MUC6: variants seen among roughly 807,000 people sequenced by gnomAD.
The protein encoded by MUC6 is mucin 6, oligomeric mucus/gel-forming (gene/pseudogene), also known as mucin-6.
Under a neutral mutation model 201.5 loss-of-function variants are expected in MUC6, and 188 were observed. The observed-to-expected ratio is 0.93, with a 90% CI of 0.83 to 1.05. MUC6 has a LOEUF of 1.05. Ranked by LOEUF, MUC6 falls within the 50% of genes least tolerant of loss-of-function variation. MUC6 has a pLI of 0.00. For synonymous variants in MUC6, 1,228 were observed against 1,389.4 expected, an observed-to-expected ratio of 0.88 and a Z score of 2.58; for missense variants, 2,706 against 3,256.9, an observed-to-expected ratio of 0.83 and a Z score of 4.12.
intron 3 of MUC6, 34 bp from the exon 4 acceptor site, chr11:1,031,767 A>G (rs1857110506): frequency 1.3e-6 from 2 of 1,551,544 alleles, no homozygotes; most frequent in East Asian, 4.9e-5. Context: ...GTCGATCCTC[A>G]GTCCTCCGGC....
At position 1,027,326 on chromosome 11, in the gene MUC6, G is replaced by T. The variant is rs1477937684; in HGVS notation, c.2173C>A (p.Leu725Met). The T allele has an allele frequency of 6.2e-7, 1 of 1,612,864 alleles. No individual in the cohort carries two copies. Among genetic ancestry groups the T allele is most frequent in the Non-Finnish European group, 8.5e-7 (1 of 1,179,844 alleles). ...CVRKAQCPCI[L>M]EGYKFILAEQ... is the part of the protein sequence containing the mutation. ...GCCAGGATGAACTTGTAACCCTCCA[G>T]TATGCACGGGCACTGGGCCTTGCGC... Residue 725 changes from leucine to methionine, a missense_variant, in exon 17 of 33, where the codon CTG becomes ATG. By Grantham distance (15) the Leu-to-Met change is conservative. This residue lies in a region of MUC6 where 1,850 missense variants were observed against 1,958.3 expected (regional missense o/e 0.94). Coordinates refer to ENST00000421673, the MANE Select transcript of MUC6 (RefSeq NM_005961.3).
chr11:1,028,984 C>T (rs763715794), intron 11 of MUC6, 23 bp from the exon 12 acceptor site: 2 of 1,613,046 alleles, frequency 1.2e-6, no homozygotes, highest in Non-Finnish European at 1.7e-6. Flanking sequence ...TGGCCTGAGT[C>T]AGGGTGCAGG....
At chr11:1,024,734 G>A in intron 24 of MUC6, 110 bp downstream of exon 24, 2 of 1,467,780 alleles carry the variant, frequency 1.4e-6, no homozygotes, top group Admixed American at 2.1e-5. Context: ...GACCTGGCTG[G>A]TCTGGGATCC....
Position 1,033,434 on chromosome 11 carries a change from TGGC to T in MUC6, c.53-362_53-360del, listed in dbSNP as rs1308997102. Reference sequence around the variant, plus strand: ...GGGGCTGGTGCGGGTGGCAGGGGCTTGGCGGCGGAGCCAACAAAGTGGGCTGTG... The same window carrying T: ...GGGGCTGGTGCGGGTGGCAGGGGCTTGGCGGAGCCAACAAAGTGGGCTGTG... On this transcript the variant is annotated intron_variant, in intron 1 of 32. Coordinates refer to ENST00000421673, the MANE Select transcript of MUC6 (RefSeq NM_005961.3). This position sits in a 1 kb window ranked among gnomAD's most constrained non-coding sequence, Gnocchi z 5.6. 6.6e-6 allele frequency among the ~76,000 whole-genome samples: 1 copy of T among 151,824 alleles called. No individual in the cohort carries two copies. The highest frequency in any genetic ancestry group is 1.5e-5 in the Non-Finnish European group (1 of 67,944).
At chr11:1,026,260 G>T in intron 20 of MUC6, 67 bp downstream of exon 20, 1 of 1,544,582 alleles carries the variant, frequency 6.5e-7, no homozygotes. Flanking sequence ...GCCCCACCCC[G>T]GGCAGCCTCC....
At position 1,013,258 on chromosome 11, in the gene MUC6, A is replaced by C. The variant is rs977450810; in HGVS notation, c.*198T>G. ...CCCTCTCTGCTGGCTCAGGGTCTGC[A>C]GGAGTGTGGTAGTCTGAGCCCCTGC... On this transcript the variant is annotated 3_prime_UTR_variant, in exon 33 of 33. Transcript: ENST00000421673. The C allele has an allele frequency of 5.0e-6, 3 of 596,074 alleles. No homozygotes were observed. Among genetic ancestry groups the C allele is most frequent in the East Asian group, 2.9e-5 (1 of 34,422 alleles). The allele number at this position is 596,074 out of a possible 1,614,324, so 36.9% of individuals were successfully genotyped here. A position where few individuals can be genotyped will look rare whatever the true frequency, so the allele number is the denominator to read the frequency against.
intron 25 of MUC6, 68 bp downstream of exon 25, chr11:1,023,879 C>G (rs1264001320): frequency 3.0e-5 from 47 of 1,558,952 alleles, no homozygotes; most frequent in Non-Finnish European, 4.1e-5. Context: ...AAGGGCAGCC[C>G]TGCGCCGGCC....
At chr11:1,025,440 C>T in intron 22 of MUC6, 73 bp from the exon 23 acceptor site, 2 of 1,530,714 alleles carry the variant, frequency 1.3e-6, no homozygotes, top group Non-Finnish European at 1.8e-6. Context: ...CTGGACCGAG[C>T]TCTCAGAGAC....
At chr11:1,023,396 TAATGAGCATGAATGAATGTGTGAATG>T in intron 26 of MUC6, 87 bp downstream of exon 26, 1 of 1,314,688 alleles carries the variant, frequency 7.6e-7, no homozygotes, top group Non-Finnish European at 1.0e-6. Context: ...ATGTGTGAAT[TAATGAGCATGAATGAATGTGTGAATG>T]AATGAATGCG....
chr11:1,029,218 C>T lies in MUC6; in HGVS notation c.1275+10G>A, dbSNP rs1219830724. Reference sequence around the variant, plus strand: ...GCGCCCCTCCCCACGGGCCACAGGGCTCGTCCTACCTGGAGGAGGATGTAG... The same window carrying T: ...GCGCCCCTCCCCACGGGCCACAGGGTTCGTCCTACCTGGAGGAGGATGTAG... On this transcript the variant is annotated intron_variant, in intron 10 of 32. Coordinates refer to ENST00000421673, the MANE Select transcript of MUC6 (RefSeq NM_005961.3). 2.5e-6 allele frequency: 4 copies of T among 1,606,418 alleles called. No homozygotes were observed. Among genetic ancestry groups the T allele is most frequent in the Non-Finnish European group, 3.4e-6 (4 of 1,177,228 alleles).
intron 18 of MUC6, 39 bp downstream of exon 18, chr11:1,027,102 C>G: frequency 1.2e-6 from 2 of 1,611,238 alleles, no homozygotes; most frequent in Non-Finnish European, 1.7e-6. Flanking sequence ...GCCGGGGCCC[C>G]TCACAGTCCC....
Position 1,028,689 on chromosome 11 carries a change from C to G in MUC6, c.1548G>C (p.Gln516His). 6.2e-7 allele frequency: 1 copy of G among 1,611,104 alleles called. No homozygotes were observed. Residue 516 changes from glutamine to histidine, a missense_variant, in exon 13 of 33, where the codon CAG (glutamine) becomes CAC (histidine). Gln to His is a conservative substitution (Grantham distance 24). This residue lies in a region of MUC6 where 1,850 missense variants were observed against 1,958.3 expected (regional missense o/e 0.94). Transcript: ENST00000421673. ...ACTGGGGCCCAACAGTGACATAGGCCTGGAAGATGGGGCGCAGCTGGACCA... is the reference window on the plus strand; with the variant it reads ...ACTGGGGCCCAACAGTGACATAGGCGTGGAAGATGGGGCGCAGCTGGACCA... ...ELVVQLRPIFQAYVTVGPQFR... is the reference protein window; with the variant it reads ...ELVVQLRPIFHAYVTVGPQFR...
At position 1,028,211 on chromosome 11, in the gene MUC6, G is replaced by C. The variant is rs917860526; in HGVS notation, c.1753+15C>G. 1 of 1,556,744 alleles carries C rather than the reference G, an allele frequency of 6.4e-7. No homozygotes were observed. On this transcript the variant is annotated intron_variant, in intron 14 of 32. Transcript: ENST00000421673. ...CTGGGGGGGCAGCCAGGGGAGTGGG[G>C]GGCCGGACACTCACTGTTGAGCTGG...
At chr11:1,030,535 G>C (rs780852140) in intron 7 of MUC6, 38 bp downstream of exon 7, 1 of 1,466,878 alleles carries the variant, frequency 6.8e-7, no homozygotes, top group South Asian at 1.4e-5. Flanking sequence ...TGGAGCCCTC[G>C]GCCTTCCTGC....
chr11:1,030,895 C>A, intron 6 of MUC6, 52 bp downstream of exon 6: 1 of 1,536,654 alleles, frequency 6.5e-7, no homozygotes. Context: ...TTGGTGGTCT[C>A]GGCGACCCTG....
chr11:1,035,214 GGGTGACGGGTGGA>G (rs1857191530), intron 1 of MUC6, among the ~76,000 whole-genome samples: 2 of 152,202 alleles, frequency 1.3e-5, no homozygotes, highest in South Asian at 4.1e-4. Flanking sequence ...TTATTTGCTG[GGGTGACGGGTGGA>G]CACCCCCACT....
In MUC6 at chr11:1,031,961, T is replaced by C; in HGVS notation, c.208A>G (p.Ile70Val). 6.2e-7 allele frequency: 1 copy of C among 1,613,480 alleles called. No homozygotes were observed. ...VYDFSGTCNY[I>V]FAATCKDAFP... Reference sequence around the variant, plus strand: ...GCGTCCTTGCAGGTGGCCGCGAAGATGTAGTTGCACGTCCCCGAGAAGTCG... The same window carrying C: ...GCGTCCTTGCAGGTGGCCGCGAAGACGTAGTTGCACGTCCCCGAGAAGTCG... Residue 70 changes from isoleucine to valine, a missense_variant, in exon 3 of 33, where the codon ATC becomes GTC. Physicochemically the swap from Ile to Val is conservative, Grantham distance 29. This residue lies in a region of MUC6 where 1,850 missense variants were observed against 1,958.3 expected (regional missense o/e 0.94). Coordinates refer to ENST00000421673, the MANE Select transcript of MUC6 (RefSeq NM_005961.3).
intron 31 of MUC6, 82 bp from the exon 32 acceptor site, chr11:1,014,083 T>A: frequency 8.4e-7 from 1 of 1,191,744 alleles, no homozygotes; most frequent in Non-Finnish European, 1.2e-6. Flanking sequence ...GAGACCGGGG[T>A]CCCCACCTGT....
At chr11:1,031,285 C>T (rs894193465) in intron 4 of MUC6, 26 bp from the exon 5 acceptor site, 29 of 1,547,678 alleles carry the variant, frequency 1.9e-5, no homozygotes, top group Non-Finnish European at 2.4e-5. Context: ...CTGCTGGGGG[C>T]CCGGGGGCCA....
Sources: allele counts gnomAD v4.1 joint callset (sites outside exome capture counted in the v4.1 genomes callset), GRCh38; gene constraint gnomAD v4.1.1; regional missense constraint gnomAD v4.1.1; non-coding constraint Gnocchi (gnomAD v3.1); transcripts MANE v1.5; gene names NCBI Gene and HGNC (gene_info 2026-07-23, HGNC 2026-07-21).